Variants in CUL5 observed in about 807,000 individuals in gnomAD.
The protein encoded by CUL5 is cullin 5, also known as cullin-5.
Under a neutral mutation model 108.8 loss-of-function variants are expected in CUL5, and 26 were observed. The ratio of observed to expected loss-of-function variants is 0.24; its 90% CI spans 0.18 to 0.33. The LOEUF (loss-of-function observed/expected upper bound fraction) is 0.33. Among genes scored for constraint, CUL5 ranks in the 10% least tolerant of loss-of-function variants. The pLI is 1.00. For synonymous variants in CUL5, 334 were observed against 298.0 expected, an observed-to-expected ratio of 1.12 and a Z score of -1.25; for missense variants, 524 against 909.2, an observed-to-expected ratio of 0.58 and a Z score of 5.45.
intron 1 of CUL5, among the ~76,000 whole-genome samples, chr11:108,032,697 T>G (rs1388386983): frequency 1.3e-5 from 2 of 152,208 alleles, no homozygotes; most frequent in Non-Finnish European, 2.9e-5. Flanking sequence ...CTGATTGTTT[T>G]GATATGACAC....
intron 13 of CUL5, among the ~76,000 whole-genome samples, chr11:108,091,885 C>G (rs945791612): frequency 6.6e-6 from 1 of 152,060 alleles, no homozygotes; most frequent in Non-Finnish European, 1.5e-5. Context: ...CTGCTTATCC[C>G]AAATATTTTG....
chr11:108,072,454 A>G lies in CUL5; in HGVS notation c.997A>G (p.Ile333Val). 6.2e-7 allele frequency: 1 copy of G among 1,606,410 alleles called. No individual in the cohort carries two copies. Among genetic ancestry groups the G allele is most frequent in the Non-Finnish European group, 8.5e-7 (1 of 1,177,364 alleles). ...AGATATGGTAGCAGCTGCTGAAACTATTACTACTGTAAGTTTTTTTTCAAT... is the reference window on the plus strand; with the variant it reads ...AGATATGGTAGCAGCTGCTGAAACTGTTACTACTGTAAGTTTTTTTTCAAT... Reference protein sequence around the residue: ...LADMVAAAETITTDSEKYVEQ... With the variant: ...LADMVAAAETVTTDSEKYVEQ... The change falls in exon 9 of 19, where the codon ATT (isoleucine) becomes GTT (valine). Residue 333 changes from isoleucine to valine, a missense_variant. By Grantham distance (29) the Ile-to-Val change is conservative. Transcript: ENST00000393094.
At chr11:108,047,263 G>A (rs1205814413) in intron 3 of CUL5, among the ~76,000 whole-genome samples, 1 of 152,100 alleles carries the variant, frequency 6.6e-6, no homozygotes, top group African/African-American at 2.4e-5. Flanking sequence ...GCTGCCGTGA[G>A]CCGTGATCAT....
intron 11 of CUL5, among the ~76,000 whole-genome samples, chr11:108,084,273 C>T (rs781235204): frequency 3.9e-5 from 6 of 152,138 alleles, no homozygotes; most frequent in Admixed American, 6.5e-5. Flanking sequence ...ACAGCTATGA[C>T]GAAGGATTGA....
intron 1 of CUL5, among the ~76,000 whole-genome samples, chr11:108,022,303 T>C (rs1046565701): frequency 1.3e-4 from 20 of 152,218 alleles, no homozygotes; most frequent in African/African-American, 4.6e-4. Flanking sequence ...TATTTAAAAA[T>C]GATTCTATTG....
intron 11 of CUL5, among the ~76,000 whole-genome samples, chr11:108,083,851 T>C (rs898741644): frequency 1.3e-5 from 2 of 152,182 alleles, no homozygotes; most frequent in Non-Finnish European, 2.9e-5. Context: ...GGTGTGGCTA[T>C]TGGAGGTGTG....
chr11:108,066,486 C>T (rs1591310959), intron 7 of CUL5, among the ~76,000 whole-genome samples: 1 of 152,142 alleles, frequency 6.6e-6, no homozygotes, highest in Admixed American at 6.6e-5. Flanking sequence ...ATTCATACAA[C>T]TCACTCTGTT....
intron 5 of CUL5, among the ~76,000 whole-genome samples, chr11:108,053,632 A>G (rs972564186): frequency 5.4e-5 from 8 of 148,070 alleles, no homozygotes; most frequent in African/African-American, 2.0e-4. Flanking sequence ...TTTAAGCACT[A>G]TTTTATTGGT....
Position 108,073,454 on chromosome 11 carries a change from A to C in CUL5, c.1070A>C (p.Glu357Ala), listed in dbSNP as rs1863873668. 3.8e-6 allele frequency: 6 copies of C among 1,596,248 alleles called. No homozygotes were observed. The highest frequency in any genetic ancestry group is 4.3e-6 in the Non-Finnish European group (5 of 1,168,942). ...AATAGATTTAGTAAACTCGTCAAAG[A>C]AGCTTTTCAAGATGATCCACGATTT... ...LFNRFSKLVK[E>A]AFQDDPRFLT... The change falls in exon 10 of 19, where the codon GAA becomes GCA. Residue 357 changes from glutamate (E) to alanine (A), a missense_variant. By Grantham distance (107) the Glu-to-Ala change is moderately radical (BLOSUM62 -1). Transcript: ENST00000393094.
intron 1 of CUL5, among the ~76,000 whole-genome samples, chr11:108,010,841 G>A (rs1862041803): frequency 6.6e-6 from 1 of 152,140 alleles, no homozygotes; most frequent in African/African-American, 2.4e-5. Context: ...GCTCACTCCT[G>A]TAATCTCAGC....
In CUL5 at chr11:108,094,846, C is replaced by T. The variant is rs747147088; in HGVS notation, c.1602C>T (p.Gly534=). The T allele has an allele frequency of 5.6e-6, 9 of 1,607,012 alleles. No homozygotes were observed. Among genetic ancestry groups the T allele is most frequent in the East Asian group, 4.5e-5 (2 of 44,678 alleles). Residue 534 remains glycine (G), a synonymous_variant, in exon 15 of 19, where the codon GGC becomes GGT. Transcript: ENST00000393094. Reference sequence around the variant, plus strand: ...TTAATATAAAAATTCTGAATGCTGGCGCCTGGTCAAGAAGTTCTGAGAAAG... The same window carrying T: ...TTAATATAAAAATTCTGAATGCTGGTGCCTGGTCAAGAAGTTCTGAGAAAG... ...DSVNIKILNA[G]AWSRSSEKVF... is the part of the protein sequence containing the mutation.
chr11:108,076,655 TTAA>T (rs1863948530), intron 10 of CUL5, among the ~76,000 whole-genome samples: 1 of 152,240 alleles, frequency 6.6e-6, no homozygotes, highest in Non-Finnish European at 1.5e-5. Context: ...TTTGCTATTG[TTAA>T]TAATGCAGTG....
intron 18 of CUL5, among the ~76,000 whole-genome samples, chr11:108,100,568 A>G (rs1399498518): frequency 6.6e-6 from 1 of 152,024 alleles, no homozygotes; most frequent in African/African-American, 2.4e-5. Flanking sequence ...AAAACAAACA[A>G]AAAACCTTAC....
rs1165895685 is a variant in CUL5 at position 108,052,799 on chromosome 11, A to G, written c.551A>G (p.Tyr184Cys). 4 of 1,611,756 alleles carry G rather than the reference A, an allele frequency of 2.5e-6. No homozygotes were observed. Among genetic ancestry groups the G allele is most frequent in the South Asian group, 1.1e-5 (1 of 90,342 alleles). ...SQLVIGVRES[Y>C]VNLCSNPEDK... ...CTGGTTATTGGAGTAAGAGAATCCT[A>G]TGGTATGTTCTGAACTTTTATGATC... The change falls in exon 5 of 19, where the codon TAT (tyrosine) becomes TGT (cysteine). Residue 184 changes from tyrosine to cysteine, a missense_variant and splice_region_variant. Coordinates refer to ENST00000393094, the MANE Select transcript of CUL5 (RefSeq NM_003478.6).
chr11:108,057,166 G>T (rs1307058743), intron 7 of CUL5, among the ~76,000 whole-genome samples: 1 of 151,952 alleles, frequency 6.6e-6, no homozygotes. Flanking sequence ...AGAGTAGCTG[G>T]GACTACAGGT....
At chr11:108,060,841 A>G (rs73557117) in intron 7 of CUL5, among the ~76,000 whole-genome samples, 1 of 151,740 alleles carries the variant, frequency 6.6e-6, no homozygotes, top group African/African-American at 2.4e-5. Context: ...AAAAAAAAAG[A>G]ATAAGAATCT....
chr11:108,076,891 A>G (rs115263889), intron 10 of CUL5, among the ~76,000 whole-genome samples: 2,376 of 152,336 alleles, frequency 0.016, 60 homozygotes, highest in African/African-American at 0.054. Context: ...GGAAGACTGT[A>G]AGAGAAATAG....
intron 2 of CUL5, among the ~76,000 whole-genome samples, chr11:108,041,578 G>A (rs114592239): frequency 0.014 from 2,055 of 149,442 alleles, 42 homozygotes; most frequent in African/African-American, 0.048. Flanking sequence ...GCCCACACCC[G>A]GCCTGGTTTT....
intron 14 of CUL5, 127 bp downstream of exon 14, chr11:108,094,641 A>T (rs1300847017): frequency 2.0e-5 from 15 of 767,538 alleles, no homozygotes. Context: ...TTCCGTGGAG[A>T]CAGCTATCAA....
Sources: gnomAD v4.1 joint callset for allele counts (sites outside exome capture counted in the v4.1 genomes callset) on GRCh38, gnomAD v4.1.1 for gene constraint, MANE v1.5 for transcripts, NCBI Gene and HGNC (gene_info 2026-07-23, HGNC 2026-07-21) for gene names.